Variants in PMM2 observed in about 807,000 individuals in gnomAD.
PMM2 encodes the protein mannose-6-phosphate isomerase.
In PMM2, 35 loss-of-function variants were observed where a neutral mutation model predicts 33.2. The observed-to-expected ratio is 1.06, with a 90% confidence interval of 0.81 to 1.40. The LOEUF (loss-of-function observed/expected upper bound fraction) is 1.40, where lower values mean the gene tolerates loss of function less well. Among genes scored for constraint, PMM2 ranks in the 40% most tolerant of loss-of-function variants. The pLI is 0.00. For missense variants in PMM2, 386 were observed against 306.0 expected, an observed-to-expected ratio of 1.26 and a Z score of -1.95; for synonymous variants, 153 against 114.7, an observed-to-expected ratio of 1.33 and a Z score of -2.13.
chr16:8,803,759 C>G (rs1050434251), intron 2 of PMM2, among the ~76,000 whole-genome samples: 1 of 152,170 alleles, frequency 6.6e-6, no homozygotes, highest in African/African-American at 2.4e-5. Flanking sequence ...TCTTGGCTCA[C>G]TGTAACCTCT....
chr16:8,827,850 T>C (rs1250787649), intron 7 of PMM2, among the ~76,000 whole-genome samples: 1 of 103,132 alleles, frequency 9.7e-6, no homozygotes, highest in Admixed American at 1.2e-4. Flanking sequence ...TAATATATAA[T>C]ATATATGTTA....
chr16:8,847,922 C>A lies in PMM2; in HGVS notation c.*97C>A. The stretch of plus-strand genomic sequence containing the variant: ...CCTCCCACACGTGCTCACCCACCCG[C>A]AGCCTAGGCAGGCTCTGCATGCTAT... On this transcript the variant is annotated 3_prime_UTR_variant, in exon 8 of 8. Coordinates refer to ENST00000268261, the MANE Select transcript of PMM2 (RefSeq NM_000303.3). The A allele has an allele frequency of 1.2e-6, 1 of 849,144 alleles. No individual in the cohort carries two copies. Among genetic ancestry groups the A allele is most frequent in the Non-Finnish European group, 1.9e-6 (1 of 514,126 alleles). The allele number at this position is 849,144 out of a possible 1,614,324, so 52.6% of individuals were successfully genotyped here. A position where few individuals can be genotyped will look rare whatever the true frequency, so the allele number is the denominator to read the frequency against.
intron 7 of PMM2, among the ~76,000 whole-genome samples, chr16:8,822,310 A>G (rs1028277611): frequency 6.6e-6 from 1 of 152,190 alleles, no homozygotes; most frequent in South Asian, 2.1e-4. Context: ...TCTACAAAAT[A>G]TCTCAGGCAC....
chr16:8,832,362 C>T, intron 7 of PMM2: 2 of 985,430 alleles, frequency 2.0e-6, no homozygotes, highest in Non-Finnish European at 1.2e-6. Flanking sequence ...TTTCACCTTC[C>T]TGGATGGGAA....
chr16:8,836,470 C>A (rs1029683319), intron 7 of PMM2, among the ~76,000 whole-genome samples: 1 of 151,966 alleles, frequency 6.6e-6, no homozygotes, highest in East Asian at 1.9e-4. Flanking sequence ...ATTTCCAGCA[C>A]GTGTAGCAAG....
Position 8,797,862 on chromosome 16 carries a change from G to T in PMM2, c.-21G>T. On this transcript the variant is annotated 5_prime_UTR_variant, in exon 1 of 8. Coordinates refer to ENST00000268261, the MANE Select transcript of PMM2 (RefSeq NM_000303.3). ...TCCTCGTGCCAACGTGTCTTGTAAG[G>T]TGCGGCTAGAAACTGGGGACATGGC... The T allele has an allele frequency of 1.2e-6, 2 of 1,610,138 alleles. No homozygotes were observed. Among genetic ancestry groups the T allele is most frequent in the East Asian group, 2.2e-5 (1 of 44,758 alleles).
intron 4 of PMM2, chr16:8,806,848 GC>G (rs2060651000): frequency 5.2e-6 from 1 of 192,774 alleles, no homozygotes; most frequent in South Asian, 1.0e-4. Flanking sequence ...TGTACAAAAA[GC>G]AACAGAAACC....
intron 7 of PMM2, among the ~76,000 whole-genome samples, chr16:8,841,258 A>G (rs1029912849): frequency 4.1e-4 from 62 of 151,248 alleles, no homozygotes; most frequent in African/African-American, 1.5e-3. Flanking sequence ...CTGGTCCGTT[A>G]TCAGACTGTA....
At chr16:8,836,164 G>A (rs532755193) in intron 7 of PMM2, among the ~76,000 whole-genome samples, 1 of 137,986 alleles carries the variant, frequency 7.2e-6, no homozygotes, top group Non-Finnish European at 1.6e-5. Context: ...AATGTGGAGT[G>A]GGTAGCCTCC....
intron 7 of PMM2, among the ~76,000 whole-genome samples, chr16:8,831,930 C>G (rs539591295): frequency 2.6e-5 from 4 of 152,188 alleles, no homozygotes; most frequent in Non-Finnish European, 4.4e-5. Flanking sequence ...CCCCTTCCCT[C>G]CCTTCTCCAG....
At chr16:8,829,691 G>A (rs2060798891) in intron 7 of PMM2, among the ~76,000 whole-genome samples, 1 of 152,124 alleles carries the variant, frequency 6.6e-6, no homozygotes, top group Non-Finnish European at 1.5e-5. Context: ...AGAGCGGATG[G>A]TCACCCTCGA....
At chr16:8,842,070 C>A (rs1464485624) in intron 7 of PMM2, 1 of 149,984 alleles carries the variant, frequency 6.7e-6, no homozygotes, top group Non-Finnish European at 1.5e-5. Context: ...GACAGAAAGG[C>A]TACAGGGTGT....
chr16:8,813,200 AC>A, intron 7 of PMM2, 94 bp downstream of exon 7: 1 of 837,128 alleles, frequency 1.2e-6, no homozygotes. Flanking sequence ...CCTACACTTT[AC>A]CCACCCGCCC....
intron 6 of PMM2, among the ~76,000 whole-genome samples, chr16:8,812,755 C>A (rs2060684557): frequency 6.6e-6 from 1 of 152,208 alleles, no homozygotes; most frequent in East Asian, 1.9e-4. Flanking sequence ...ATTTCTCACT[C>A]TGAGTTGGCA....
At chr16:8,817,697 A>G (rs754651528) in intron 7 of PMM2, among the ~76,000 whole-genome samples, 8 of 152,154 alleles carry the variant, frequency 5.3e-5, no homozygotes, top group Admixed American at 2.6e-4. Flanking sequence ...CTTTCCCCCA[A>G]TTGTAAATTA....
intron 1 of PMM2, among the ~76,000 whole-genome samples, chr16:8,800,005 C>G (rs1278447254): frequency 6.6e-6 from 1 of 152,178 alleles, no homozygotes; most frequent in Non-Finnish European, 1.5e-5. Context: ...TCATTGAACT[C>G]CAAGTGTTTA....
At position 8,848,119 on chromosome 16, in the gene PMM2, T is replaced by C. The variant is rs1213681744; in HGVS notation, c.*294T>C. ...CCTGATACGTGCAATCATGTAGTTT[T>C]GGCGGAAATTTCCCCATCATTCTAG... On this transcript the variant is annotated 3_prime_UTR_variant, in exon 8 of 8. Coordinates refer to ENST00000268261, the MANE Select transcript of PMM2 (RefSeq NM_000303.3). The C allele has an allele frequency of 7.5e-6, 3 of 400,404 alleles. No individual in the cohort carries two copies. The highest frequency in any genetic ancestry group is 1.4e-5 in the Non-Finnish European group (3 of 212,456). The allele number at this position is 400,404 out of a possible 1,614,324, so 24.8% of individuals were successfully genotyped here.
chr16:8,814,717 T>G (rs947397828), intron 7 of PMM2, among the ~76,000 whole-genome samples: 1 of 152,224 alleles, frequency 6.6e-6, no homozygotes, highest in African/African-American at 2.4e-5. Flanking sequence ...TTTATTGAGG[T>G]ATAATTGATC....
At chr16:8,827,078 G>C (rs1477100300) in intron 7 of PMM2, among the ~76,000 whole-genome samples, 1 of 152,138 alleles carries the variant, frequency 6.6e-6, no homozygotes, top group Non-Finnish European at 1.5e-5. Context: ...GCCAAGTAAT[G>C]TGATTCAAAA....
Sources: allele counts gnomAD v4.1 joint callset (sites outside exome capture counted in the v4.1 genomes callset), GRCh38; gene constraint gnomAD v4.1.1; transcripts MANE v1.5; gene names NCBI Gene and HGNC (gene_info 2026-07-23, HGNC 2026-07-21).